Variants in AKAP6 observed in about 807,000 individuals in gnomAD.
AKAP6 encodes the protein A-kinase anchor protein 6.
A neutral mutation model predicts 188.5 loss-of-function variants in AKAP6; 58 were observed. That is an observed-to-expected ratio of 0.31 (90% CI 0.25 to 0.38). The LOEUF is 0.38. Ranked by LOEUF, AKAP6 falls within the 10% of genes least tolerant of loss-of-function variation. The pLI, the probability that AKAP6 is intolerant of heterozygous loss-of-function variation, is 1.00. For missense variants in AKAP6, 2,710 were observed against 2,740.0 expected (o/e 0.99, Z 0.24); for synonymous variants, 989 against 998.6 (o/e 0.99, Z 0.18).
chr14:32,545,968 C>T lies in AKAP6; in HGVS notation c.1315C>T (p.Leu439=), dbSNP rs1207545207. The part of the protein sequence containing the change: ...VDPPDRSKLC[L]VLQSSYPNSP... ...TCCTCCTGACAGATCCAAACTTTGCCTGGTATTGCAGTCTTCTTACCCCAA... is the reference window on the plus strand; with the variant it reads ...TCCTCCTGACAGATCCAAACTTTGCTTGGTATTGCAGTCTTCTTACCCCAA... The change falls in exon 4 of 14, where the codon CTG becomes TTG. Residue 439 remains leucine, a synonymous_variant. Transcript: ENST00000280979. 3.1e-6 allele frequency: 5 copies of T among 1,614,026 alleles called. No individual in the cohort carries two copies. The African/African-American group carries it at 5.3e-5, about 17-fold the overall frequency.
intron 12 of AKAP6, among the ~76,000 whole-genome samples, chr14:32,789,837 T>C (rs2033554307): frequency 6.6e-6 from 1 of 152,122 alleles, no homozygotes; most frequent in Admixed American, 6.6e-5. Context: ...GCAACACCTC[T>C]CCAGCAAGGG....
chr14:32,822,578 A>G lies in AKAP6; in HGVS notation c.4765A>G (p.Ser1589Gly). 1 of 1,614,012 alleles carries G rather than the reference A, an allele frequency of 6.2e-7. No homozygotes were observed. Among genetic ancestry groups the G allele is most frequent in the Non-Finnish European group, 8.5e-7 (1 of 1,179,954 alleles). The change falls in exon 13 of 14, where the codon AGC (serine) becomes GGC (glycine). Residue 1589 changes from serine to glycine, a missense_variant. Coordinates refer to ENST00000280979, the MANE Select transcript of AKAP6 (RefSeq NM_004274.5). ...GGGCATCTTTAAAAATGGCAGTGAC[A>G]GCCTCCAGCGAAGCACTTCTTTAGA... The part of the protein sequence containing the change: ...GLGIFKNGSD[S>G]LQRSTSLESW...
intron 2 of AKAP6, among the ~76,000 whole-genome samples, chr14:32,505,462 T>G (rs1321131840): frequency 6.6e-6 from 1 of 152,086 alleles, no homozygotes; most frequent in Non-Finnish European, 1.5e-5. Flanking sequence ...TATTTTAATA[T>G]AGTATTTTTG....
chr14:32,593,011 AACACACACACACACACAC>A (rs60277036), intron 5 of AKAP6, among the ~76,000 whole-genome samples: 10 of 123,878 alleles, frequency 8.1e-5, no homozygotes, highest in East Asian at 4.5e-4. Context: ...CCCCCACCCC[AACACACACACACACACAC>A]ACACACACAC....
At chr14:32,402,164 AT>A (rs1220288123) in intron 1 of AKAP6, 1 of 152,204 alleles carries the variant, frequency 6.6e-6, no homozygotes, top group Non-Finnish European at 1.5e-5. Context: ...CCTCAAATCA[AT>A]TTCTACTGAC....
intron 5 of AKAP6, 90 bp from the exon 6 acceptor site, chr14:32,599,320 G>A (rs1359938748): frequency 1.9e-6 from 2 of 1,079,926 alleles, no homozygotes; most frequent in African/African-American, 1.6e-5. Flanking sequence ...GGGCTGTGTG[G>A]TTCTTGATAA....
intron 11 of AKAP6, among the ~76,000 whole-genome samples, chr14:32,765,806 T>C (rs1175272490): frequency 6.6e-6 from 1 of 152,138 alleles, no homozygotes; most frequent in African/African-American, 2.4e-5. Flanking sequence ...ATTAGTTATA[T>C]CATTAGCATC....
intron 2 of AKAP6, among the ~76,000 whole-genome samples, chr14:32,452,645 A>G (rs1890979601): frequency 6.6e-6 from 1 of 151,498 alleles, no homozygotes; most frequent in African/African-American, 2.4e-5. Context: ...CCCTGTTTCT[A>G]CAGAAAAAAA....
chr14:32,523,491 C>T (rs117313747), intron 2 of AKAP6, among the ~76,000 whole-genome samples: 9,840 of 142,662 alleles, frequency 0.069, 445 homozygotes, highest in Non-Finnish European at 0.1. Flanking sequence ...TTTTTTGAGA[C>T]GGGGTCTGAT....
rs775395038 is a variant in AKAP6 at position 32,832,856 on chromosome 14, C to T, written c.*3051C>T. ...CATCTCCCAACCACTGTTTCCTCAA[C>T]TGCCCTTCATATGTCATGGTTTTCA... is the stretch of plus-strand genomic sequence containing the variant. On this transcript the variant is annotated 3_prime_UTR_variant, in exon 14 of 14. Transcript: ENST00000280979. 2.6e-5 allele frequency: 4 copies of T among 152,658 alleles called. No individual in the cohort carries two copies. The highest frequency in any genetic ancestry group is 4.4e-5 in the Non-Finnish European group (3 of 68,060). 9.5% of individuals were successfully genotyped at this position (152,658 alleles called of 1,614,324 possible). A position where few individuals can be genotyped will look rare whatever the true frequency, so the allele number is the denominator to read the frequency against.
At chr14:32,782,644 A>G (rs72669842) in intron 12 of AKAP6, among the ~76,000 whole-genome samples, 15,296 of 152,176 alleles carry the variant, frequency 0.1, 817 homozygotes, top group African/African-American at 0.13. Flanking sequence ...TTAAACATTC[A>G]ATTTATAATA....
At chr14:32,677,597 C>T (rs1889487549) in intron 7 of AKAP6, among the ~76,000 whole-genome samples, 4 of 152,174 alleles carry the variant, frequency 2.6e-5, no homozygotes, top group African/African-American at 7.2e-5. Context: ...ACAGGAATCA[C>T]AACAGCTGCA....
At chr14:32,623,061 TG>T (rs778106342) in intron 7 of AKAP6, among the ~76,000 whole-genome samples, 1 of 152,154 alleles carries the variant, frequency 6.6e-6, no homozygotes, top group African/African-American at 2.4e-5. Context: ...CACTATCCTA[TG>T]ATTCCTGGGC....
intron 12 of AKAP6, among the ~76,000 whole-genome samples, chr14:32,798,783 C>T (rs12892892): frequency 6.6e-6 from 1 of 152,008 alleles, no homozygotes. Context: ...GTACTTATTA[C>T]CTGGGTAACA....
intron 11 of AKAP6, 25 bp downstream of exon 11, chr14:32,735,907 A>G (rs775626074): frequency 2.6e-6 from 4 of 1,533,652 alleles, no homozygotes; most frequent in Non-Finnish European, 3.5e-6. Context: ...ATCAAAGTTG[A>G]TAAAAAGCTC....
intron 2 of AKAP6, among the ~76,000 whole-genome samples, chr14:32,529,582 T>C (rs190731592): frequency 2.7e-4 from 41 of 152,350 alleles, no homozygotes; most frequent in Non-Finnish European, 4.6e-4. Context: ...TTTCTCACTG[T>C]TAAGTTTGCT....
At chr14:32,398,844 GTTTTTTTTTTTTTT>G (rs773955888) in intron 1 of AKAP6, among the ~76,000 whole-genome samples, 2 of 60,976 alleles carry the variant, frequency 3.3e-5, no homozygotes, top group Non-Finnish European at 6.6e-5. Context: ...CTTTCTTCCT[GTTTTTTTTTTTTTT>G]TTTTTTTTTT....
At chr14:32,622,977 T>C (rs1186664892) in intron 7 of AKAP6, among the ~76,000 whole-genome samples, 1 of 152,010 alleles carries the variant, frequency 6.6e-6, no homozygotes, top group Non-Finnish European at 1.5e-5. Context: ...GATAGGACCA[T>C]GGGTGCTACC....
intron 9 of AKAP6, among the ~76,000 whole-genome samples, chr14:32,701,872 A>C (rs894346390): frequency 1.1e-4 from 17 of 152,194 alleles, no homozygotes; most frequent in Non-Finnish European, 1.9e-4. Flanking sequence ...TCCAGGTCAC[A>C]GTAGCTAAAC....
Sources: gnomAD v4.1 joint callset for allele counts (sites outside exome capture counted in the v4.1 genomes callset) on GRCh38, gnomAD v4.1.1 for gene constraint, MANE v1.5 for transcripts, NCBI Gene and HGNC (gene_info 2026-07-23, HGNC 2026-07-21) for gene names.